SGMS1: variants seen among roughly 807,000 people sequenced by gnomAD.
The protein encoded by SGMS1 is sphingomyelin synthase 1, also known as phosphatidylcholine:ceramide cholinephosphotransferase 1.
A neutral mutation model predicts 46.2 loss-of-function variants in SGMS1; 13 were observed. The ratio of observed to expected loss-of-function variants is 0.28; its 90% CI spans 0.18 to 0.45. The LOEUF is 0.45. Ranked by LOEUF, SGMS1 falls within the 20% of genes least tolerant of loss-of-function variation. The pLI is 1.00. For missense variants in SGMS1, 324 were observed against 519.9 expected (o/e 0.62, Z 3.66); for synonymous variants, 203 against 187.8 (o/e 1.08, Z -0.66).
At chr10:50,368,188 C>T (rs949087231) in intron 6 of SGMS1, among the ~76,000 whole-genome samples, 3 of 152,114 alleles carry the variant, frequency 2.0e-5, no homozygotes, top group Admixed American at 6.5e-5. Context: ...GTTTTTCATG[C>T]AAACATACTG....
chr10:50,348,639 A>G (rs1411674174), intron 6 of SGMS1, among the ~76,000 whole-genome samples: 1 of 152,228 alleles, frequency 6.6e-6, no homozygotes, highest in African/African-American at 2.4e-5. Context: ...AAGGAGAACT[A>G]CAAACCACTA....
intron 6 of SGMS1, among the ~76,000 whole-genome samples, chr10:50,394,346 C>T (rs762846448): frequency 2.2e-4 from 33 of 152,202 alleles, no homozygotes; most frequent in African/African-American, 6.3e-4. Flanking sequence ...TACTTCAGGA[C>T]GGACAAGAGT....
intron 3 of SGMS1, among the ~76,000 whole-genome samples, chr10:50,471,586 T>C (rs1837379350): frequency 6.6e-6 from 1 of 152,214 alleles, no homozygotes; most frequent in Non-Finnish European, 1.5e-5. Flanking sequence ...AAGGATCTTT[T>C]AAACACAAAG....
intron 6 of SGMS1, among the ~76,000 whole-genome samples, chr10:50,400,648 T>C (rs1848923572): frequency 6.6e-6 from 1 of 151,920 alleles, no homozygotes; most frequent in African/African-American, 2.4e-5. Flanking sequence ...AGACAAGGTC[T>C]TGCTATGTTG....
At chr10:50,604,279 G>A (rs1269670750) in intron 1 of SGMS1, among the ~76,000 whole-genome samples, 7 of 152,078 alleles carry the variant, frequency 4.6e-5, no homozygotes, top group Admixed American at 2.6e-4. Flanking sequence ...GAGCCTGCAC[G>A]TAACAGGCTG....
At chr10:50,337,684 T>G (rs1248956777) in intron 7 of SGMS1, among the ~76,000 whole-genome samples, 1 of 152,134 alleles carries the variant, frequency 6.6e-6, no homozygotes, top group African/African-American at 2.4e-5. Flanking sequence ...TCTAGTCTAT[T>G]GAATAAAACA....
Position 50,308,078 on chromosome 10 carries a change from A to G in SGMS1, c.966T>C (p.Ile322=), listed in dbSNP as rs1847201234. Reference sequence around the variant, plus strand: ...CAGTGTAGTGGTCATGCGCTAAGAGAATACAGAAGATTCCAACTACGCTGA... The same window carrying G: ...CAGTGTAGTGGTCATGCGCTAAGAGGATACAGAAGATTCCAACTACGCTGA... ...WLLSVVGIFC[I]LLAHDHYTVD... is the part of the protein sequence containing the mutation. The change falls in exon 10 of 11, where the codon ATT becomes ATC. Residue 322 remains isoleucine (I), a synonymous_variant. Coordinates refer to ENST00000361781, the MANE Select transcript of SGMS1 (RefSeq NM_147156.4). 1 of 1,613,912 alleles carries G rather than the reference A, an allele frequency of 6.2e-7. No individual in the cohort carries two copies. Among genetic ancestry groups the G allele is most frequent in the South Asian group, 1.1e-5 (1 of 91,072 alleles).
At chr10:50,437,853 T>C (rs1330110614) in intron 5 of SGMS1, among the ~76,000 whole-genome samples, 1 of 152,118 alleles carries the variant, frequency 6.6e-6, no homozygotes, top group Non-Finnish European at 1.5e-5. Context: ...CACACTATGA[T>C]GTAGGAACAA....
intron 3 of SGMS1, among the ~76,000 whole-genome samples, chr10:50,495,273 AAGGATGT>A (rs200275583): frequency 0.12 from 17,129 of 147,100 alleles, 1,235 homozygotes; most frequent in Middle Eastern, 0.21. Context: ...AAAAAAAAAA[AAGGATGT>A]GCTGTATCTG....
chr10:50,528,264 T>C (rs1000808377), intron 2 of SGMS1, among the ~76,000 whole-genome samples: 1 of 152,214 alleles, frequency 6.6e-6, no homozygotes, highest in Non-Finnish European at 1.5e-5. Context: ...AATTCTTTCA[T>C]CTTATGAGGT....
At chr10:50,350,298 T>C (rs989168096) in intron 6 of SGMS1, among the ~76,000 whole-genome samples, 8 of 152,144 alleles carry the variant, frequency 5.3e-5, no homozygotes, top group Non-Finnish European at 1.0e-4. Context: ...GTAACCTGGG[T>C]GCTGTTAAAG....
At chr10:50,475,920 C>T (rs552148153) in intron 3 of SGMS1, among the ~76,000 whole-genome samples, 4 of 151,752 alleles carry the variant, frequency 2.6e-5, no homozygotes, top group African/African-American at 4.8e-5. Flanking sequence ...TACTCAGTCT[C>T]AGGTAGTTCT....
intron 1 of SGMS1, among the ~76,000 whole-genome samples, chr10:50,609,524 T>TG (rs1412007011): frequency 6.7e-6 from 1 of 149,472 alleles, no homozygotes; most frequent in Non-Finnish European, 1.5e-5. Flanking sequence ...CTCAATAGTT[T>TG]TTTTTTTTTT....
chr10:50,322,043 G>A (rs1185699213), intron 8 of SGMS1, among the ~76,000 whole-genome samples: 2 of 152,162 alleles, frequency 1.3e-5, no homozygotes, highest in East Asian at 3.8e-4. Flanking sequence ...GATCCACTGA[G>A]CGATCAACCT....
Position 50,321,801 on chromosome 10 carries a change from AAAGT to A in SGMS1, c.741+5400_741+5403del, listed in dbSNP as rs1847450607. Among the ~76,000 whole-genome samples the A allele has an allele frequency of 2.0e-5, 3 of 152,214 alleles. No homozygotes were observed. In the South Asian group the frequency reaches 6.2e-4, roughly 32 times the overall value. On this transcript the variant is annotated intron_variant, in intron 8 of 10. Coordinates refer to ENST00000361781, the MANE Select transcript of SGMS1 (RefSeq NM_147156.4). ...TGGAATACTCTAACTGCTACTCAGG[AAAGT>A]AAGAAAGAACTGAAGAAGGCCATAA... is the stretch of plus-strand genomic sequence containing the variant.
At chr10:50,584,577 T>A (rs925491324) in intron 2 of SGMS1, among the ~76,000 whole-genome samples, 1 of 152,064 alleles carries the variant, frequency 6.6e-6, no homozygotes, top group South Asian at 2.1e-4. Flanking sequence ...AGTTTGGAGT[T>A]TTCATCACAT....
At chr10:50,378,107 T>C (rs1215497064) in intron 6 of SGMS1, among the ~76,000 whole-genome samples, 1 of 152,228 alleles carries the variant, frequency 6.6e-6, no homozygotes, top group African/African-American at 2.4e-5. Context: ...TTAGGAGCCA[T>C]AATTCAAGAG....
intron 2 of SGMS1, among the ~76,000 whole-genome samples, chr10:50,583,536 T>C (rs972746782): frequency 6.6e-6 from 1 of 152,190 alleles, no homozygotes; most frequent in Non-Finnish European, 1.5e-5. Context: ...ATGAGGCACA[T>C]GACTCATCAT....
chr10:50,448,518 G>A (rs1339629561), intron 5 of SGMS1, among the ~76,000 whole-genome samples: 2 of 152,092 alleles, frequency 1.3e-5, no homozygotes, highest in Admixed American at 6.5e-5. Context: ...GCTGAGGTGG[G>A]TGAATCACCT....
Sources: allele counts gnomAD v4.1 joint callset (sites outside exome capture counted in the v4.1 genomes callset), GRCh38; gene constraint gnomAD v4.1.1; transcripts MANE v1.5; gene names NCBI Gene and HGNC (gene_info 2026-07-23, HGNC 2026-07-21).